CNOT8: variants seen among roughly 807,000 people sequenced by gnomAD.
CNOT8 encodes the protein CCR4-NOT transcription complex subunit 8, also known as CAF1-like protein.
A neutral mutation model predicts 34.6 loss-of-function variants in CNOT8; 18 were observed. The ratio of observed to expected loss-of-function variants is 0.52; its 90% CI spans 0.36 to 0.77. The LOEUF (loss-of-function observed/expected upper bound fraction) is 0.77, where lower values mean the gene tolerates loss of function less well. Ranked by LOEUF, CNOT8 falls within the 30% of genes least tolerant of loss-of-function variation. The probability of loss-of-function intolerance (pLI) is 0.00; values close to 1 mark genes in which losing one functional copy is unlikely to be tolerated. For missense variants in CNOT8, 189 were observed against 347.9 expected, an observed-to-expected ratio of 0.54 and a Z score of 3.63; for synonymous variants, 101 against 118.8, an observed-to-expected ratio of 0.85 and a Z score of 0.98.
chr5:154,871,925 A>G, intron 5 of CNOT8, 51 bp downstream of exon 5: 1 of 1,542,410 alleles, frequency 6.5e-7, no homozygotes, highest in South Asian at 1.2e-5. Context: ...ACAGAAAAAA[A>G]GCTGACTTTG....
chr5:154,871,388 G>A (rs1762466229), intron 4 of CNOT8, among the ~76,000 whole-genome samples: 1 of 152,028 alleles, frequency 6.6e-6, no homozygotes, highest in Admixed American at 6.5e-5. Context: ...GCAAAACCCT[G>A]TCTTTACTAA....
In CNOT8 at chr5:154,862,897, C is replaced by T. The variant is rs563492038; in HGVS notation, c.-72-310C>T. 4.4e-4 allele frequency among the ~76,000 whole-genome samples: 67 copies of T among 151,988 alleles called. 1 individual carries two copies. The highest frequency in any genetic ancestry group is 1.2e-3 in the Admixed American group (18 of 15,258). On this transcript the variant is annotated intron_variant, in intron 1 of 6. Coordinates refer to ENST00000285896, the MANE Select transcript of CNOT8 (RefSeq NM_001301073.2). ...ATGGATAAGGGCATATTTGTGGTAA[C>T]GGAATTATTTTGGTCTAGTCTACAG... is the stretch of plus-strand genomic sequence containing the variant.
In CNOT8 at chr5:154,871,799, C is replaced by G; in HGVS notation, c.543C>G (p.Phe181Leu). 6.2e-7 allele frequency: 1 copy of G among 1,613,180 alleles called. No individual in the cohort carries two copies. Among genetic ancestry groups the G allele is most frequent in the South Asian group, 1.1e-5 (1 of 91,062 alleles). ...DSRLPEEEHE[F>L]FHILNLFFPS... ...GTTTGCCAGAAGAGGAACATGAATT[C>G]TTTCATATTCTGAACCTTTTCTTCC... The change falls in exon 5 of 7, where the codon TTC becomes TTG. Residue 181 changes from phenylalanine to leucine, a missense_variant. By Grantham distance (22) the Phe-to-Leu change is conservative (BLOSUM62 0). Transcript: ENST00000285896.
chr5:154,870,114 G>A (rs1762340012), intron 3 of CNOT8, among the ~76,000 whole-genome samples: 1 of 152,112 alleles, frequency 6.6e-6, no homozygotes. Context: ...AGAGTGCAGT[G>A]GTGTGAGTCC....
At chr5:154,862,831 G>C (rs940610783) in intron 1 of CNOT8, among the ~76,000 whole-genome samples, 3 of 152,164 alleles carry the variant, frequency 2.0e-5, no homozygotes, top group African/African-American at 7.2e-5. Context: ...CTGTAGGACT[G>C]TTTCCATGAT....
At chr5:154,868,268 C>CTTTTT (rs543872202) in intron 3 of CNOT8, among the ~76,000 whole-genome samples, 42 of 103,904 alleles carry the variant, frequency 4.0e-4, no homozygotes, top group East Asian at 7.7e-4. Context: ...CTTTTCTTTT[C>CTTTTT]TTTTTTTTTT....
intron 1 of CNOT8, among the ~76,000 whole-genome samples, chr5:154,860,831 A>G (rs1397417209): frequency 3.3e-5 from 5 of 152,268 alleles, no homozygotes; most frequent in African/African-American, 7.2e-5. Flanking sequence ...CAGTCCCCAT[A>G]TATATGCCAG....
chr5:154,873,259 TG>T (rs1288313125), intron 6 of CNOT8, among the ~76,000 whole-genome samples: 2 of 152,342 alleles, frequency 1.3e-5, no homozygotes, highest in East Asian at 3.9e-4. Context: ...GGTTGTTTTT[TG>T]TTATGGTATT....
chr5:154,863,448 T>G, intron 2 of CNOT8, 53 bp downstream of exon 2: 1 of 1,312,602 alleles, frequency 7.6e-7, no homozygotes, highest in Non-Finnish European at 1.1e-6. Context: ...AGTTGGGGTC[T>G]TGCTCTGTTG....
chr5:154,871,697 C>CT, intron 4 of CNOT8, 33 bp from the exon 5 acceptor site: 1 of 1,603,046 alleles, frequency 6.2e-7, no homozygotes, highest in East Asian at 2.2e-5. Context: ...ATAACCACTG[C>CT]TTTTTTAACC....
chr5:154,872,689 G>A (rs745342721), intron 6 of CNOT8, 38 bp downstream of exon 6: 1 of 1,326,270 alleles, frequency 7.5e-7, no homozygotes, highest in African/African-American at 1.4e-5. Context: ...CCTCTCGGCA[G>A]TAACTTGCTG....
chr5:154,871,500 C>T (rs983955772), intron 4 of CNOT8, among the ~76,000 whole-genome samples: 1 of 138,570 alleles, frequency 7.2e-6, no homozygotes, highest in Non-Finnish European at 1.5e-5. Flanking sequence ...GTGAAGGTTG[C>T]AGTGAGCCGA....
intron 2 of CNOT8, 63 bp downstream of exon 2, chr5:154,863,458 G>A: frequency 1.6e-6 from 2 of 1,231,430 alleles, no homozygotes; most frequent in Non-Finnish European, 1.2e-6. Flanking sequence ...TTGCTCTGTT[G>A]CCCAGGCTGG....
chr5:154,861,940 C>T (rs988909505), intron 1 of CNOT8, among the ~76,000 whole-genome samples: 2 of 152,160 alleles, frequency 1.3e-5, no homozygotes, highest in Admixed American at 6.5e-5. Context: ...CCTTGTGATC[C>T]GCCCGCCTCG....
intron 1 of CNOT8, among the ~76,000 whole-genome samples, chr5:154,860,203 G>A (rs558590156): frequency 6.6e-6 from 1 of 152,272 alleles, no homozygotes; most frequent in South Asian, 2.1e-4. Context: ...GCCCTGAGGA[G>A]GCTTAAAAGG....
chr5:154,869,539 G>A (rs112447364), intron 3 of CNOT8, among the ~76,000 whole-genome samples: 7,236 of 151,334 alleles, frequency 0.048, 220 homozygotes, highest in Middle Eastern at 0.075. Flanking sequence ...TTGCCTCCTG[G>A]GTTCAAGTGA....
rs1452813691 is a variant in CNOT8, at chr5:154,863,405, T to G, written c.117+10T>G. 6.3e-7 allele frequency: 1 copy of G among 1,577,410 alleles called. No homozygotes were observed. The highest frequency in any genetic ancestry group is 1.3e-5 in the African/African-American group (1 of 74,230). ...CAGTTATATTGCCATGGTAAGGAGCTCTACTCTGACTCACCTTCTTTGTCA... is the reference window on the plus strand; with the variant it reads ...CAGTTATATTGCCATGGTAAGGAGCGCTACTCTGACTCACCTTCTTTGTCA... On this transcript the variant is annotated intron_variant, in intron 2 of 6. Coordinates refer to ENST00000285896, the MANE Select transcript of CNOT8 (RefSeq NM_001301073.2).
chr5:154,863,196 T>C lies in CNOT8; in HGVS notation c.-72-11T>C. ...TAAACTTACATGATTTTAAAATGTT[T>C]TACAATCTAGATCAGACCAAACATT... On this transcript the variant is annotated splice_polypyrimidine_tract_variant and intron_variant, in intron 1 of 6. Transcript: ENST00000285896. 1.1e-6 allele frequency: 1 copy of C among 893,104 alleles called. No individual in the cohort carries two copies. Among genetic ancestry groups the C allele is most frequent in the South Asian group, 1.4e-5 (1 of 72,800 alleles). 55.3% of individuals were successfully genotyped at this position (893,104 alleles called of 1,614,324 possible). A position where few individuals can be genotyped will look rare whatever the true frequency, so the allele number is the denominator to read the frequency against.
chr5:154,870,848 T>C, intron 4 of CNOT8, 26 bp downstream of exon 4: 5 of 1,578,686 alleles, frequency 3.2e-6, no homozygotes, highest in Non-Finnish European at 4.3e-6. Flanking sequence ...TGTGTATTTC[T>C]CTCTCACTTT....
Sources: gnomAD v4.1 joint callset for allele counts (sites outside exome capture counted in the v4.1 genomes callset) on GRCh38, gnomAD v4.1.1 for gene constraint, MANE v1.5 for transcripts, NCBI Gene and HGNC (gene_info 2026-07-23, HGNC 2026-07-21) for gene names.